Variants in CSMD1 observed in about 807,000 individuals in gnomAD.
CSMD1 encodes CUB and Sushi multiple domains 1.
Under a neutral mutation model 417.5 loss-of-function variants are expected in CSMD1, and 213 were observed. The ratio of observed to expected loss-of-function variants is 0.51; its 90% CI spans 0.46 to 0.57. CSMD1 has a LOEUF of 0.57. Among genes scored for constraint, CSMD1 ranks in the 20% least tolerant of loss-of-function variants. The pLI is 0.00. For synonymous variants in CSMD1, 2,862 were observed against 1,736.8 expected, an observed-to-expected ratio of 1.65 and a Z score of -16.11; for missense variants, 6,923 against 4,529.7, an observed-to-expected ratio of 1.53 and a Z score of -15.17.
intron 5 of CSMD1, among the ~76,000 whole-genome samples, chr8:3,828,592 G>A (rs577783804): frequency 4.6e-5 from 7 of 152,074 alleles, no homozygotes; most frequent in East Asian, 3.9e-4. Flanking sequence ...CAAAGCATTC[G>A]ACAATTTTCT....
intron 5 of CSMD1, among the ~76,000 whole-genome samples, chr8:3,918,664 T>C (rs1489029309): frequency 6.6e-6 from 1 of 152,136 alleles, no homozygotes; most frequent in African/African-American, 2.4e-5. Flanking sequence ...GAAGCTGAGG[T>C]ATATGTTTAT....
At chr8:3,981,500 T>TAAAAAAAAAAAAAAA (rs200296436) in intron 5 of CSMD1, among the ~76,000 whole-genome samples, 191 of 114,996 alleles carry the variant, frequency 1.7e-3, no homozygotes, top group Non-Finnish European at 2.4e-3. Flanking sequence ...TAGAAAAAAG[T>TAAAAAAAAAAAAAAA]AAAAAAAAAA....
intron 1 of CSMD1, among the ~76,000 whole-genome samples, chr8:4,805,991 A>G (rs1798563775): frequency 6.6e-6 from 1 of 152,156 alleles, no homozygotes; most frequent in South Asian, 2.1e-4. Flanking sequence ...TTCTCACACA[A>G]ACTAAATACT....
intron 3 of CSMD1, among the ~76,000 whole-genome samples, chr8:4,075,081 T>C (rs1318045097): frequency 6.6e-6 from 1 of 152,172 alleles, no homozygotes; most frequent in Non-Finnish European, 1.5e-5. Context: ...ATAATATTTC[T>C]TCAGTATTAT....
At chr8:4,190,828 C>T (rs1260059676) in intron 3 of CSMD1, among the ~76,000 whole-genome samples, 2 of 152,062 alleles carry the variant, frequency 1.3e-5, no homozygotes, top group Non-Finnish European at 2.9e-5. Flanking sequence ...GGCCATTACC[C>T]TTCGCAAACT....
chr8:3,638,575 G>C (rs1164060501), intron 7 of CSMD1, among the ~76,000 whole-genome samples: 1 of 152,156 alleles, frequency 6.6e-6, no homozygotes, highest in Non-Finnish European at 1.5e-5. Context: ...TGCCTGCAAA[G>C]TGCAATCTGG....
intron 7 of CSMD1, among the ~76,000 whole-genome samples, chr8:3,621,670 G>A (rs1424528027): frequency 6.6e-6 from 1 of 151,792 alleles, no homozygotes; most frequent in Admixed American, 6.6e-5. Context: ...ATGGCTCACT[G>A]CAGCCTTCGT....
intron 29 of CSMD1, among the ~76,000 whole-genome samples, chr8:3,218,048 C>T (rs558703363): frequency 1.4e-4 from 22 of 152,148 alleles, no homozygotes; most frequent in African/African-American, 4.8e-4. Context: ...TTCTGATGGA[C>T]CCAATAGCAA....
At chr8:4,209,049 T>C (rs1800149146) in intron 3 of CSMD1, among the ~76,000 whole-genome samples, 1 of 152,202 alleles carries the variant, frequency 6.6e-6, no homozygotes, top group Non-Finnish European at 1.5e-5. Flanking sequence ...TGTCTCTGAC[T>C]TCTTGCTTCT....
intron 65 of CSMD1, among the ~76,000 whole-genome samples, chr8:2,952,926 G>A (rs1235291701): frequency 6.6e-6 from 1 of 152,126 alleles, no homozygotes; most frequent in Non-Finnish European, 1.5e-5. Flanking sequence ...GCAGCCCGCA[G>A]TACAATGCAG....
chr8:3,030,909 G>A (rs1040852464), intron 50 of CSMD1, among the ~76,000 whole-genome samples: 4 of 152,010 alleles, frequency 2.6e-5, no homozygotes, highest in East Asian at 3.9e-4. Context: ...GAAAAATGTG[G>A]CTCTTTTTGA....
intron 3 of CSMD1, among the ~76,000 whole-genome samples, chr8:4,055,212 T>C (rs2740880): frequency 1.3e-5 from 2 of 152,124 alleles, no homozygotes; most frequent in Admixed American, 6.5e-5. Flanking sequence ...TTATTCAATT[T>C]TTAAAAACCA....
At chr8:4,105,634 G>T (rs1439924358) in intron 3 of CSMD1, among the ~76,000 whole-genome samples, 1 of 152,180 alleles carries the variant, frequency 6.6e-6, no homozygotes, top group African/African-American at 2.4e-5. Context: ...AAAGGGGATT[G>T]GAGTAGCAGG....
At chr8:3,345,250 G>C (rs1807913439) in intron 22 of CSMD1, among the ~76,000 whole-genome samples, 1 of 152,172 alleles carries the variant, frequency 6.6e-6, no homozygotes. Context: ...GGATCCCTGA[G>C]AGATTGCACC....
chr8:4,810,029 G>A (rs1585136425), intron 1 of CSMD1, among the ~76,000 whole-genome samples: 1 of 152,148 alleles, frequency 6.6e-6, no homozygotes, highest in Non-Finnish European at 1.5e-5. Context: ...TAGAATGAGG[G>A]TTAGCTCAAT....
intron 5 of CSMD1, among the ~76,000 whole-genome samples, chr8:3,850,098 G>C (rs1803794775): frequency 6.6e-6 from 1 of 152,178 alleles, no homozygotes; most frequent in Admixed American, 6.5e-5. Flanking sequence ...ACCCAGCAAA[G>C]AGTATATCTT....
At chr8:4,717,095 G>A (rs186621910) in intron 1 of CSMD1, among the ~76,000 whole-genome samples, 76 of 151,610 alleles carry the variant, frequency 5.0e-4, no homozygotes, top group Middle Eastern at 3.4e-3. Context: ...TCTCTGCCCC[G>A]AGAAAAACTA....
chr8:3,494,557 T>TAGATAGGTAGGC (rs775444342), intron 10 of CSMD1, among the ~76,000 whole-genome samples: 2,773 of 13,162 alleles, frequency 0.21, 36 homozygotes, highest in Middle Eastern at 0.35. Flanking sequence ...GATTAGATGA[T>TAGATAGGTAGGC]AGATAGATAG....
intron 40 of CSMD1, among the ~76,000 whole-genome samples, chr8:3,148,664 T>G (rs1335926321): frequency 6.6e-6 from 1 of 152,168 alleles, no homozygotes; most frequent in Non-Finnish European, 1.5e-5. Flanking sequence ...CAATGTGGGG[T>G]TGAAAGCTAG....
Sources: allele counts gnomAD v4.1 joint callset (sites outside exome capture counted in the v4.1 genomes callset), GRCh38; gene constraint gnomAD v4.1.1; transcripts MANE v1.5; gene names NCBI Gene and HGNC (gene_info 2026-07-23, HGNC 2026-07-21).